SOX6: variants seen among roughly 807,000 people sequenced by gnomAD.
The protein encoded by SOX6 is SRY-box transcription factor 6.
Under a neutral mutation model 97.8 loss-of-function variants are expected in SOX6, and 11 were observed. That is an observed-to-expected ratio of 0.11 (90% CI 0.07 to 0.19). The LOEUF is 0.19. Among genes scored for constraint, SOX6 ranks in the 10% least tolerant of loss-of-function variants. The probability of loss-of-function intolerance (pLI) is 1.00; values close to 1 mark genes in which losing one functional copy is unlikely to be tolerated. For missense variants in SOX6, 810 were observed against 1,039.5 expected, an observed-to-expected ratio of 0.78 and a Z score of 3.04; for synonymous variants, 360 against 371.4, an observed-to-expected ratio of 0.97 and a Z score of 0.35.
intron 4 of SOX6, among the ~76,000 whole-genome samples, chr11:16,511,705 C>T (rs1002123110): frequency 6.6e-6 from 1 of 152,128 alleles, no homozygotes; most frequent in African/African-American, 2.4e-5. Flanking sequence ...TTAAGCTACA[C>T]TTGCCTCACA....
intron 4 of SOX6, among the ~76,000 whole-genome samples, chr11:16,499,362 A>C (rs1055290558): frequency 6.6e-6 from 1 of 152,218 alleles, no homozygotes; most frequent in African/African-American, 2.4e-5. Context: ...AGCAGGAAAG[A>C]TCTAAAATTA....
intron 3 of SOX6, among the ~76,000 whole-genome samples, chr11:16,270,633 G>A (rs1053423200): frequency 2.6e-5 from 3 of 117,130 alleles, no homozygotes; most frequent in African/African-American, 9.6e-5. Context: ...CAAACAAAAT[G>A]TAATAACACA....
In SOX6 at chr11:16,186,654, TC is replaced by T. The variant is rs11316897; in HGVS notation, c.708+128del. On this transcript the variant is annotated intron_variant, in intron 5 of 15. Transcript: ENST00000683767. ...TTTCCAGAAGGCTTTGTTTTTTTTT[TC>T]CATCTTTTCTTATTTTTATTTTTAT... The T allele has an allele frequency of 0.47, 550,792 of 1,164,030 alleles. 122,603 individuals carry two copies. The highest frequency in any genetic ancestry group is 0.7 in the East Asian group (24,708 of 35,066). The allele number at this position is 1,164,030 out of a possible 1,614,324, so 72.1% of individuals were successfully genotyped here.
chr11:16,217,230 C>G (rs1451967987), intron 4 of SOX6, among the ~76,000 whole-genome samples: 1 of 152,142 alleles, frequency 6.6e-6, no homozygotes, highest in Admixed American at 6.6e-5. Flanking sequence ...GCCCTATACA[C>G]TTACGTAAAG....
At chr11:16,514,215 CAA>C (rs35019872) in intron 4 of SOX6, among the ~76,000 whole-genome samples, 31 of 102,640 alleles carry the variant, frequency 3.0e-4, no homozygotes, top group East Asian at 3.6e-4. Flanking sequence ...GTCCCTGGCT[CAA>C]AAAAAAAAAA....
intron 6 of SOX6, among the ~76,000 whole-genome samples, chr11:16,159,968 C>T (rs930445971): frequency 2.6e-5 from 4 of 152,138 alleles, no homozygotes; most frequent in Admixed American, 1.3e-4. Flanking sequence ...GTGGGAAACT[C>T]GGAAAGGGGA....
chr11:16,424,871 G>A (rs1389835700), intron 1 of SOX6, among the ~76,000 whole-genome samples: 1 of 152,232 alleles, frequency 6.6e-6, no homozygotes, highest in African/African-American at 2.4e-5. Flanking sequence ...TTTGAGGAAG[G>A]GGAGTTGGTG....
At chr11:16,718,651 T>C (rs1848236365) in intron 2 of SOX6, among the ~76,000 whole-genome samples, 1 of 152,216 alleles carries the variant, frequency 6.6e-6, no homozygotes, top group Non-Finnish European at 1.5e-5. Context: ...TTAATAGTGA[T>C]TATTATTCCT....
At chr11:16,276,952 G>A (rs1854420049) in intron 3 of SOX6, among the ~76,000 whole-genome samples, 1 of 152,130 alleles carries the variant, frequency 6.6e-6, no homozygotes, top group African/African-American at 2.4e-5. Flanking sequence ...AAAACACTTA[G>A]CTTTTCACAC....
At chr11:16,451,058 C>G (rs775763168) in intron 1 of SOX6, among the ~76,000 whole-genome samples, 4 of 152,052 alleles carry the variant, frequency 2.6e-5, no homozygotes, top group Non-Finnish European at 4.4e-5. Flanking sequence ...TGGCGAAACA[C>G]TGTCTCTACA....
chr11:16,082,305 ATAAG>A (rs778574622), intron 9 of SOX6, among the ~76,000 whole-genome samples: 13 of 152,214 alleles, frequency 8.5e-5, no homozygotes, highest in Non-Finnish European at 1.9e-4. Context: ...GATCTGTTAA[ATAAG>A]TCAGTGGCAG....
At chr11:16,595,513 G>A (rs1387751782) in intron 4 of SOX6, among the ~76,000 whole-genome samples, 1 of 151,412 alleles carries the variant, frequency 6.6e-6, no homozygotes, top group Non-Finnish European at 1.5e-5. Flanking sequence ...GGGCATGATG[G>A]CTCCACCTAT....
intron 3 of SOX6, among the ~76,000 whole-genome samples, chr11:16,632,241 A>T (rs1053460732): frequency 6.6e-6 from 1 of 151,764 alleles, no homozygotes; most frequent in African/African-American, 2.4e-5. Context: ...TGTGGGTAGG[A>T]TTTTTTCTTT....
At chr11:16,053,314 G>T (rs1244317097) in intron 10 of SOX6, among the ~76,000 whole-genome samples, 1 of 152,080 alleles carries the variant, frequency 6.6e-6, no homozygotes, top group East Asian at 1.9e-4. Context: ...GTTTAAGCTG[G>T]AAGAGTAAAT....
intron 4 of SOX6, among the ~76,000 whole-genome samples, chr11:16,544,299 T>C (rs969700804): frequency 2.0e-5 from 3 of 152,124 alleles, no homozygotes; most frequent in Non-Finnish European, 4.4e-5. Flanking sequence ...TTGCTCTGTC[T>C]CCCAGGCTAG....
intron 2 of SOX6, among the ~76,000 whole-genome samples, chr11:16,337,546 T>C (rs907362144): frequency 6.6e-6 from 1 of 152,154 alleles, no homozygotes; most frequent in East Asian, 1.9e-4. Context: ...AAGCACATTT[T>C]AGTGGACAGT....
chr11:16,524,871 C>A (rs1317075211), intron 4 of SOX6, among the ~76,000 whole-genome samples: 2 of 152,164 alleles, frequency 1.3e-5, no homozygotes, highest in African/African-American at 2.4e-5. Context: ...TGAGTGAACT[C>A]CCATTCACAA....
chr11:16,653,279 A>G (rs1346222833), intron 3 of SOX6, among the ~76,000 whole-genome samples: 1 of 152,218 alleles, frequency 6.6e-6, no homozygotes, highest in Non-Finnish European at 1.5e-5. Context: ...ATCTACCCAG[A>G]GGAAAAGAAG....
At chr11:16,451,067 CA>C (rs567583501) in intron 1 of SOX6, among the ~76,000 whole-genome samples, 1 of 151,702 alleles carries the variant, frequency 6.6e-6, no homozygotes, top group Non-Finnish European at 1.5e-5. Flanking sequence ...ACTGTCTCTA[CA>C]AAAAAATAAA....
Sources: gnomAD v4.1 joint callset for allele counts (sites outside exome capture counted in the v4.1 genomes callset) on GRCh38, gnomAD v4.1.1 for gene constraint, MANE v1.5 for transcripts, NCBI Gene and HGNC (gene_info 2026-07-23, HGNC 2026-07-21) for gene names.